WWOX: variants seen among roughly 807,000 people sequenced by gnomAD.
WWOX encodes WW domain-containing oxidoreductase.
A neutral mutation model predicts 46.2 loss-of-function variants in WWOX; 69 were observed. The observed-to-expected ratio is 1.49, with a 90% CI of 1.23 to 1.82. The LOEUF (loss-of-function observed/expected upper bound fraction) is 1.82, where lower values mean the gene tolerates loss of function less well. WWOX is among the 40% of genes most tolerant of loss of function. WWOX has a pLI of 0.00. For synonymous variants in WWOX, 359 were observed against 202.6 expected, an observed-to-expected ratio of 1.77 and a Z score of -6.56; for missense variants, 919 against 542.6, an observed-to-expected ratio of 1.69 and a Z score of -6.89.
At chr16:79,129,924 T>C (rs915208202) in intron 8 of WWOX, among the ~76,000 whole-genome samples, 26 of 152,348 alleles carry the variant, frequency 1.7e-4, no homozygotes, top group African/African-American at 6.3e-4. Context: ...CTGAGTCATC[T>C]TTGGTAGGTC....
At chr16:78,341,460 T>C (rs2151900014) in intron 5 of WWOX, among the ~76,000 whole-genome samples, 1 of 121,830 alleles carries the variant, frequency 8.2e-6, no homozygotes, top group African/African-American at 2.8e-5. Flanking sequence ...ATGTTACTCA[T>C]TCTTTTAAGC....
intron 8 of WWOX, among the ~76,000 whole-genome samples, chr16:78,822,759 G>C (rs377492112): frequency 6.6e-6 from 1 of 152,078 alleles, no homozygotes; most frequent in South Asian, 2.1e-4. Flanking sequence ...GGAATGCAAG[G>C]GAACTAAAGG....
chr16:78,981,980 C>G (rs960614003), intron 8 of WWOX: 1 of 152,130 alleles, frequency 6.6e-6, no homozygotes, highest in African/African-American at 2.4e-5. Flanking sequence ...ATTGAAGGCT[C>G]CAGTGTTTTG....
At chr16:79,134,649 A>G (rs2049948465) in intron 8 of WWOX, among the ~76,000 whole-genome samples, 1 of 152,182 alleles carries the variant, frequency 6.6e-6, no homozygotes, top group Non-Finnish European at 1.5e-5. Context: ...ACAGAAACAT[A>G]TACACATTTA....
intron 8 of WWOX, among the ~76,000 whole-genome samples, chr16:78,576,814 C>A (rs1256883614): frequency 6.6e-6 from 1 of 152,196 alleles, no homozygotes; most frequent in Admixed American, 6.5e-5. Flanking sequence ...CTAGGCAACA[C>A]AACAAGACCC....
intron 8 of WWOX, among the ~76,000 whole-genome samples, chr16:78,755,669 C>T (rs563981413): frequency 2.6e-5 from 4 of 152,282 alleles, no homozygotes; most frequent in Admixed American, 2.6e-4. Context: ...GAGAGGAAGC[C>T]TCAGGACCCT....
chr16:78,400,453 C>A (rs57459665), intron 6 of WWOX, among the ~76,000 whole-genome samples: 8,327 of 152,228 alleles, frequency 0.055, 417 homozygotes, highest in East Asian at 0.16. Flanking sequence ...TGGCTGTCAC[C>A]CCCAGGATTC....
rs1216556404 is a variant in WWOX, at chr16:78,144,515, ATATATATAT to A, written c.410-19666_410-19658del. ...CACACACACACATATATATATATAT[ATATATATAT>A]TTTTTTTTTTTTTTGGAGATGGAGT... is the stretch of plus-strand genomic sequence containing the variant. On this transcript the variant is annotated intron_variant, in intron 4 of 8. Coordinates refer to ENST00000566780, the MANE Select transcript of WWOX (RefSeq NM_016373.4). 6.9e-5 allele frequency among the ~76,000 whole-genome samples: 3 copies of A among 43,366 alleles called. 1 individual carries two copies. The highest frequency in any genetic ancestry group is 8.9e-5 in the Non-Finnish European group (2 of 22,532). The allele number at this position is 43,366 out of a possible 152,430, so 28.4% of individuals were successfully genotyped here.
intron 8 of WWOX, among the ~76,000 whole-genome samples, chr16:78,666,257 C>G (rs4887971): frequency 0.26 from 39,195 of 151,900 alleles, 7,821 homozygotes; most frequent in African/African-American, 0.56. Flanking sequence ...CCACTGCACT[C>G]TAGCCTGGGT....
At chr16:78,814,259 T>C (rs1191613532) in intron 8 of WWOX, among the ~76,000 whole-genome samples, 2 of 152,250 alleles carry the variant, frequency 1.3e-5, no homozygotes, top group Non-Finnish European at 2.9e-5. Context: ...TTCATCTTTC[T>C]GGAATTTTTA....
Position 78,613,357 on chromosome 16 carries a change from G to A in WWOX, c.1056+180605G>A, listed in dbSNP as rs979391808. 2.6e-5 allele frequency among the ~76,000 whole-genome samples: 4 copies of A among 152,124 alleles called. No homozygotes were observed. The South Asian group carries it at 6.2e-4, about 24-fold the overall frequency. On this transcript the variant is annotated intron_variant, in intron 8 of 8. Coordinates refer to ENST00000566780, the MANE Select transcript of WWOX (RefSeq NM_016373.4). The stretch of plus-strand genomic sequence containing the variant: ...GCGTGATTTGTCCCCATGCTGTGTC[G>A]CACTTGGTCATCTGGACCCTGGGGT...
chr16:79,072,163 G>C (rs2048563248), intron 8 of WWOX, among the ~76,000 whole-genome samples: 1 of 152,030 alleles, frequency 6.6e-6, no homozygotes, highest in Non-Finnish European at 1.5e-5. Flanking sequence ...GAGTGTGCCT[G>C]TAGTCCTAGC....
chr16:78,789,615 G>C (rs75414850), intron 8 of WWOX, among the ~76,000 whole-genome samples: 6,189 of 152,178 alleles, frequency 0.041, 163 homozygotes, highest in Middle Eastern at 0.095. Flanking sequence ...TTTCAAGATT[G>C]TTTTGGGTAT....
At chr16:78,228,954 G>A (rs1040978859) in intron 5 of WWOX, among the ~76,000 whole-genome samples, 8 of 152,164 alleles carry the variant, frequency 5.3e-5, no homozygotes, top group African/African-American at 1.9e-4. Context: ...GAAGCTCCAT[G>A]TCCACTTGAT....
chr16:78,618,235 A>G (rs1460275792), intron 8 of WWOX, among the ~76,000 whole-genome samples: 1 of 152,210 alleles, frequency 6.6e-6, no homozygotes, highest in African/African-American at 2.4e-5. Flanking sequence ...TCTGAAATGG[A>G]AAAGCACTGA....
intron 8 of WWOX, among the ~76,000 whole-genome samples, chr16:78,845,030 C>T (rs1005742952): frequency 1.3e-5 from 2 of 152,108 alleles, no homozygotes; most frequent in African/African-American, 2.4e-5. Context: ...CGCAGTGAAG[C>T]GGTTGGAAAA....
At chr16:79,055,366 G>C (rs574336259) in intron 8 of WWOX, among the ~76,000 whole-genome samples, 2 of 152,148 alleles carry the variant, frequency 1.3e-5, no homozygotes, top group African/African-American at 2.4e-5. Context: ...CTTGTATCTA[G>C]GCTGCACTTA....
chr16:79,020,370 G>A (rs1567491057), intron 8 of WWOX, among the ~76,000 whole-genome samples: 1 of 152,056 alleles, frequency 6.6e-6, no homozygotes. Context: ...TATGAATTCC[G>A]GCTCTGCCAC....
intron 6 of WWOX, among the ~76,000 whole-genome samples, chr16:78,421,633 C>T (rs9926224): frequency 0.016 from 2,374 of 152,276 alleles, 68 homozygotes; most frequent in African/African-American, 0.054. Context: ...CACTATAAAG[C>T]AGTGGCATAT....
Sources: gnomAD v4.1 joint callset for allele counts (sites outside exome capture counted in the v4.1 genomes callset) on GRCh38, gnomAD v4.1.1 for gene constraint, MANE v1.5 for transcripts, NCBI Gene and HGNC (gene_info 2026-07-23, HGNC 2026-07-21) for gene names.